ITPR2: variants seen among roughly 807,000 people sequenced by gnomAD.
ITPR2 encodes the protein inositol 1,4,5-trisphosphate-gated calcium channel ITPR2.
In ITPR2, 207 loss-of-function variants were observed where a neutral mutation model predicts 317.1. The ratio of observed to expected loss-of-function variants is 0.65; its 90% CI spans 0.58 to 0.73. The LOEUF (loss-of-function observed/expected upper bound fraction) is 0.73, where lower values mean the gene tolerates loss of function less well. ITPR2 is among the 30% of genes least tolerant of loss of function. ITPR2 has a pLI of 0.00. For synonymous variants in ITPR2, 1,156 were observed against 1,149.1 expected, an observed-to-expected ratio of 1.01 and a Z score of -0.12; for missense variants, 2,613 against 3,284.0, an observed-to-expected ratio of 0.80 and a Z score of 4.99.
chr12:26,537,230 G>A (rs1435545127), intron 37 of ITPR2, among the ~76,000 whole-genome samples: 1 of 152,184 alleles, frequency 6.6e-6, no homozygotes, highest in African/African-American at 2.4e-5. Context: ...TGGTGGAGTT[G>A]ATACCAACAG....
rs1478656349 is a variant in ITPR2 at position 26,600,012 on chromosome 12, T to G, written c.3776A>C (p.His1259Pro). Residue 1259 changes from histidine to proline, a missense_variant, in exon 29 of 57, where the codon CAT (histidine) becomes CCT (proline). This residue lies in a region of ITPR2 where 817 missense variants were observed against 897.6 expected (regional missense o/e 0.91). Transcript: ENST00000381340. ...ACCTGGAGTTAAAAACAAATTCAGA[T>G]GTTTATGAAGAAGAACTTGATTCTG... ...NPQNQVLLHKHLNLFLTPGLL... is the reference protein window; with the variant it reads ...NPQNQVLLHKPLNLFLTPGLL... 3 of 1,606,472 alleles carry G rather than the reference T, an allele frequency of 1.9e-6. No homozygotes were observed. Among genetic ancestry groups the G allele is most frequent in the East Asian group, 4.5e-5 (2 of 44,808 alleles).
At chr12:26,697,598 C>G (rs945926502) in intron 9 of ITPR2, among the ~76,000 whole-genome samples, 10 of 152,094 alleles carry the variant, frequency 6.6e-5, no homozygotes, top group Admixed American at 6.6e-4. Context: ...CACCTAAGAT[C>G]AGGAGTTCGA....
intron 37 of ITPR2, among the ~76,000 whole-genome samples, chr12:26,502,820 C>T (rs1244873251): frequency 2.0e-5 from 3 of 152,120 alleles, no homozygotes; most frequent in African/African-American, 7.2e-5. Context: ...GAAAGGTCTT[C>T]CTCCTAGACA....
intron 54 of ITPR2, among the ~76,000 whole-genome samples, chr12:26,391,147 G>A (rs908718503): frequency 6.6e-6 from 1 of 152,174 alleles, no homozygotes; most frequent in East Asian, 1.9e-4. Flanking sequence ...TTTTTATTGA[G>A]CATCTATTGA....
At chr12:26,740,337 T>C (rs1949208889) in intron 2 of ITPR2, among the ~76,000 whole-genome samples, 3 of 152,168 alleles carry the variant, frequency 2.0e-5, no homozygotes. Context: ...CCAAATATGT[T>C]AAAATCCGTG....
At chr12:26,376,505 T>C (rs1251837852) in intron 55 of ITPR2, among the ~76,000 whole-genome samples, 2 of 152,176 alleles carry the variant, frequency 1.3e-5, no homozygotes, top group African/African-American at 2.4e-5. Flanking sequence ...GTACCAGATC[T>C]CATTATTGTT....
chr12:26,712,892 T>C (rs1242729909), intron 8 of ITPR2, among the ~76,000 whole-genome samples: 2 of 152,254 alleles, frequency 1.3e-5, no homozygotes, highest in East Asian at 1.9e-4. Flanking sequence ...ATATTATCTA[T>C]GCTGCAATTT....
chr12:26,641,238 A>T (rs1591989131), intron 21 of ITPR2, among the ~76,000 whole-genome samples: 1 of 142,396 alleles, frequency 7.0e-6, no homozygotes, highest in African/African-American at 2.5e-5. Flanking sequence ...TTCTTTGTTT[A>T]AAAAAAAAAA....
chr12:26,690,639 T>A (rs10842775), intron 10 of ITPR2, among the ~76,000 whole-genome samples: 47,148 of 152,068 alleles, frequency 0.31, 8,114 homozygotes, highest in East Asian at 0.65. Flanking sequence ...TCTAGACTTA[T>A]AAGAAAAGAT....
At chr12:26,376,702 T>C (rs960949288) in intron 55 of ITPR2, among the ~76,000 whole-genome samples, 22 of 151,758 alleles carry the variant, frequency 1.4e-4, no homozygotes, top group Admixed American at 2.0e-4. Flanking sequence ...CTTTCTTTTT[T>C]TTTCTTTCTT....
intron 21 of ITPR2, among the ~76,000 whole-genome samples, chr12:26,651,033 A>T (rs577926292): frequency 8.5e-5 from 13 of 152,196 alleles, no homozygotes; most frequent in African/African-American, 3.1e-4. Flanking sequence ...TGAAACCCTT[A>T]TTATTCTCTT....
chr12:26,451,216 AT>A (rs1941732718), intron 45 of ITPR2, among the ~76,000 whole-genome samples: 1 of 152,188 alleles, frequency 6.6e-6, no homozygotes, highest in Admixed American at 6.6e-5. Flanking sequence ...AGGGGTGATC[AT>A]TCCAAAGAAT....
rs1020157445 is a variant in ITPR2, at chr12:26,655,787, A to G, written c.2510T>C (p.Phe837Ser). The change falls in exon 20 of 57, where the codon TTT (phenylalanine) becomes TCT (serine). Residue 837 changes from phenylalanine to serine, a missense_variant. Coordinates refer to ENST00000381340, the MANE Select transcript of ITPR2 (RefSeq NM_002223.4). ...MKRKFALTME[F>S]VEEYLKEVVN... ...AACTTCTTTCAAATATTCTTCAACA[A>G]ATTCCATTGTCAGGGCAAATTTCCT... The G allele has an allele frequency of 6.2e-7, 1 of 1,612,596 alleles. No homozygotes were observed. Among genetic ancestry groups the G allele is most frequent in the Non-Finnish European group, 8.5e-7 (1 of 1,179,030 alleles).
Position 26,695,963 on chromosome 12 carries a change from C to T in ITPR2, c.952-313G>A, listed in dbSNP as rs185866004. ...ATAGAGTTCACCATTTTACCCTCTG[C>T]AAAAACTGCCATTTACCAATAACTC... is the stretch of plus-strand genomic sequence containing the variant. On this transcript the variant is annotated intron_variant, in intron 9 of 56. Transcript: ENST00000381340. Among the ~76,000 whole-genome samples, 255 of 151,882 alleles carry T rather than the reference C, an allele frequency of 1.7e-3. 2 individuals are homozygous for T. The highest frequency in any genetic ancestry group is 3.0e-3 in the Non-Finnish European group (203 of 67,996).
rs562312709 is a variant in ITPR2 at position 26,756,167 on chromosome 12, G to A, written c.164-30402C>T. Among the ~76,000 whole-genome samples the A allele has an allele frequency of 9.2e-5, 14 of 152,256 alleles. No homozygotes were observed. The South Asian group carries it at 1.0e-3, about 11-fold the overall frequency. ...TTTGTCTTTAGTAAAAATGGGAAAC[G>A]GGAGAGAGAAAAATTATATTTCAAG... On this transcript the variant is annotated intron_variant, in intron 2 of 56. Coordinates refer to ENST00000381340, the MANE Select transcript of ITPR2 (RefSeq NM_002223.4).
At chr12:26,681,495 T>C (rs1948029409) in intron 13 of ITPR2, among the ~76,000 whole-genome samples, 1 of 152,136 alleles carries the variant, frequency 6.6e-6, no homozygotes, top group Non-Finnish European at 1.5e-5. Flanking sequence ...GAGAAATGCA[T>C]CTTGAATAAA....
At chr12:26,801,926 A>C (rs780033232) in intron 1 of ITPR2, among the ~76,000 whole-genome samples, 1 of 152,234 alleles carries the variant, frequency 6.6e-6, no homozygotes, top group Non-Finnish European at 1.5e-5. Flanking sequence ...TTGGATTAAA[A>C]AATCCAGCCA....
rs778021603 is a variant in ITPR2 at position 26,624,305 on chromosome 12, G to A, written c.3116C>T (p.Ala1039Val). Residue 1039 changes from alanine (A) to valine (V), a missense_variant, in exon 24 of 57, where the codon GCG becomes GTG. Transcript: ENST00000381340. ...TATATAAATGTTACTATACCTTCCCGCAAACATAGTTTCTGCCTGAGCTGC... is the reference window on the plus strand; with the variant it reads ...TATATAAATGTTACTATACCTTCCCACAAACATAGTTTCTGCCTGAGCTGC... The part of the protein sequence containing the change: ...EIAAQAETMF[A>V]GRKEKNPVQL... 21 of 1,600,418 alleles carry A rather than the reference G, an allele frequency of 1.3e-5. No individual in the cohort carries two copies. Among genetic ancestry groups the A allele is most frequent in the African/African-American group, 4.0e-5 (3 of 74,394 alleles).
chr12:26,725,043 G>A (rs1232304643), intron 3 of ITPR2, among the ~76,000 whole-genome samples: 3 of 152,262 alleles, frequency 2.0e-5, no homozygotes, highest in Non-Finnish European at 2.9e-5. Context: ...ATTTGTCAAT[G>A]TATGCTGAAA....
Sources: gnomAD v4.1 joint callset for allele counts (sites outside exome capture counted in the v4.1 genomes callset) on GRCh38, gnomAD v4.1.1 for gene constraint, gnomAD v4.1.1 regional missense constraint, MANE v1.5 for transcripts, NCBI Gene and HGNC (gene_info 2026-07-23, HGNC 2026-07-21) for gene names.